Variants in CSMD1 observed in about 807,000 individuals in gnomAD.
CSMD1 encodes CUB and sushi domain-containing protein 1.
Under a neutral mutation model 417.5 loss-of-function variants are expected in CSMD1, and 213 were observed. The ratio of observed to expected loss-of-function variants is 0.51; its 90% CI spans 0.46 to 0.57. The LOEUF (loss-of-function observed/expected upper bound fraction) is 0.57. Among genes scored for constraint, CSMD1 ranks in the 20% least tolerant of loss-of-function variants. The pLI is 0.00. For missense variants in CSMD1, 6,923 were observed against 4,529.7 expected, an observed-to-expected ratio of 1.53 and a Z score of -15.17; for synonymous variants, 2,862 against 1,736.8, an observed-to-expected ratio of 1.65 and a Z score of -16.11.
chr8:3,164,696 T>C (rs1349839602), intron 37 of CSMD1, among the ~76,000 whole-genome samples: 1 of 152,128 alleles, frequency 6.6e-6, no homozygotes, highest in East Asian at 1.9e-4. Flanking sequence ...TAAGTCATCG[T>C]CATTCTGAGA....
chr8:3,774,558 G>C (rs557680694), intron 5 of CSMD1, among the ~76,000 whole-genome samples: 2 of 152,210 alleles, frequency 1.3e-5, no homozygotes, highest in African/African-American at 4.8e-5. Context: ...CTCCTTAGTG[G>C]ACAGAACGTC....
intron 5 of CSMD1, among the ~76,000 whole-genome samples, chr8:3,937,440 G>T (rs913401773): frequency 2.0e-5 from 3 of 152,126 alleles, no homozygotes; most frequent in Non-Finnish European, 4.4e-5. Context: ...CTACCACCCT[G>T]ATCACTGATC....
At chr8:4,247,394 G>C (rs550863034) in intron 3 of CSMD1, among the ~76,000 whole-genome samples, 53 of 152,236 alleles carry the variant, frequency 3.5e-4, no homozygotes, top group African/African-American at 1.3e-3. Context: ...TGTAGAATTG[G>C]TTGCATCTCC....
At position 3,019,613 on chromosome 8, in the gene CSMD1, T is replaced by C. The variant is rs73181705; in HGVS notation, c.7856-963A>G. On this transcript the variant is annotated intron_variant, in intron 51 of 69. Coordinates refer to ENST00000635120, the MANE Select transcript of CSMD1 (RefSeq NM_033225.6). Reference sequence around the variant, plus strand: ...GGCTTTCCACAAACTAAAACGTGCATACAAACTAGACCTTAACTGGGTGTC... The same window carrying C: ...GGCTTTCCACAAACTAAAACGTGCACACAAACTAGACCTTAACTGGGTGTC... Among the ~76,000 whole-genome samples, 1,202 of 152,334 alleles carry C rather than the reference T, an allele frequency of 7.9e-3. 12 individuals are homozygous for C. Among genetic ancestry groups the C allele is most frequent in the Non-Finnish European group, 0.012 (839 of 68,020 alleles).
At chr8:3,963,019 C>T (rs373836536) in intron 5 of CSMD1, among the ~76,000 whole-genome samples, 5 of 152,116 alleles carry the variant, frequency 3.3e-5, no homozygotes, top group South Asian at 2.1e-4. Flanking sequence ...TCACTGCAAC[C>T]TCTGCCTCCG....
chr8:3,926,153 G>T (rs1338827546), intron 5 of CSMD1, among the ~76,000 whole-genome samples: 1 of 139,468 alleles, frequency 7.2e-6, no homozygotes, highest in South Asian at 2.3e-4. Context: ...TATAGGTGGG[G>T]GTTTATGTAT....
At chr8:4,926,404 G>A (rs774858081) in intron 1 of CSMD1, among the ~76,000 whole-genome samples, 12 of 151,826 alleles carry the variant, frequency 7.9e-5, no homozygotes, top group African/African-American at 2.4e-4. Flanking sequence ...TGAGATCTAC[G>A]CATGTGGCCG....
intron 2 of CSMD1, among the ~76,000 whole-genome samples, chr8:4,447,099 A>G (rs1798861169): frequency 6.6e-6 from 1 of 152,132 alleles, no homozygotes; most frequent in Non-Finnish European, 1.5e-5. Flanking sequence ...TCTTTGGGAA[A>G]AGGTACTTAC....
intron 7 of CSMD1, among the ~76,000 whole-genome samples, chr8:3,637,432 T>C (rs1251915153): frequency 1.3e-5 from 2 of 152,194 alleles, no homozygotes; most frequent in African/African-American, 4.8e-5. Flanking sequence ...TGTATTTGAA[T>C]CTATTTTCTA....
chr8:3,011,262 T>A (rs939164829), intron 52 of CSMD1, among the ~76,000 whole-genome samples: 1 of 152,084 alleles, frequency 6.6e-6, no homozygotes, highest in African/African-American at 2.4e-5. Context: ...TGAGAACTGG[T>A]ATAGGGAGTT....
intron 2 of CSMD1, among the ~76,000 whole-genome samples, chr8:4,471,954 G>T (rs1800560083): frequency 6.6e-6 from 1 of 152,088 alleles, no homozygotes; most frequent in African/African-American, 2.4e-5. Flanking sequence ...GCAAAACAGT[G>T]AATAGGAAGC....
chr8:3,507,179 C>A (rs1483895704), intron 10 of CSMD1, among the ~76,000 whole-genome samples: 1 of 152,112 alleles, frequency 6.6e-6, no homozygotes, highest in Non-Finnish European at 1.5e-5. Context: ...TAGAGGGGAA[C>A]TCAATTGTGA....
intron 1 of CSMD1, among the ~76,000 whole-genome samples, chr8:4,930,496 G>T (rs997596803): frequency 1.3e-5 from 2 of 152,082 alleles, no homozygotes; most frequent in East Asian, 3.9e-4. Flanking sequence ...GCTGAAAATT[G>T]TTCAAAACTA....
intron 3 of CSMD1, among the ~76,000 whole-genome samples, chr8:4,374,489 A>C (rs1802592765): frequency 1.3e-5 from 2 of 152,222 alleles, no homozygotes; most frequent in South Asian, 4.1e-4. Context: ...TGCTACTGGC[A>C]GGAGTGAGGA....
At chr8:4,311,582 G>C (rs562709736) in intron 3 of CSMD1, among the ~76,000 whole-genome samples, 1 of 151,986 alleles carries the variant, frequency 6.6e-6, no homozygotes, top group African/African-American at 2.4e-5. Flanking sequence ...ACTGAGCCAG[G>C]TGTGGTTGTG....
rs537852128 is a variant in CSMD1, at chr8:3,042,815, C to T, written c.7660+9647G>A. ...CATTGAGTTATTTATATTTATAGGT[C>T]GTATAAACCTAGTGCTAGATATGAC... On this transcript the variant is annotated intron_variant, in intron 50 of 69. Coordinates refer to ENST00000635120, the MANE Select transcript of CSMD1 (RefSeq NM_033225.6). 1.5e-3 allele frequency among the ~76,000 whole-genome samples: 234 copies of T among 152,010 alleles called. 1 individual carries two copies. Among genetic ancestry groups the T allele is most frequent in the African/African-American group, 5.5e-3 (227 of 41,444 alleles).
chr8:3,606,141 C>T (rs1400407719), intron 8 of CSMD1, among the ~76,000 whole-genome samples: 2 of 152,148 alleles, frequency 1.3e-5, no homozygotes, highest in African/African-American at 4.8e-5. Context: ...GTAAAGAGCC[C>T]CTCGTTCTGC....
intron 5 of CSMD1, among the ~76,000 whole-genome samples, chr8:3,867,163 G>C (rs1192699669): frequency 3.9e-5 from 6 of 152,094 alleles, no homozygotes; most frequent in Admixed American, 1.3e-4. Context: ...AGGCAGAATA[G>C]TTCACTGGTC....
chr8:4,541,016 T>C (rs1797357223), intron 2 of CSMD1, among the ~76,000 whole-genome samples: 1 of 152,242 alleles, frequency 6.6e-6, no homozygotes, highest in Admixed American at 6.5e-5. Context: ...TTTAAATGCC[T>C]CATTTTACTT....
Sources: gnomAD v4.1 joint callset for allele counts (sites outside exome capture counted in the v4.1 genomes callset) on GRCh38, gnomAD v4.1.1 for gene constraint, MANE v1.5 for transcripts, NCBI Gene and HGNC (gene_info 2026-07-23, HGNC 2026-07-21) for gene names.